FSTL4: variants seen among roughly 807,000 people sequenced by gnomAD.
FSTL4 encodes follistatin-related protein 4.
FSTL4 carries 28 observed loss-of-function variants against 78.2 expected under a neutral mutation model. The observed-to-expected ratio is 0.36, with a 90% CI of 0.27 to 0.49. The LOEUF (loss-of-function observed/expected upper bound fraction) is 0.49. Among genes scored for constraint, FSTL4 ranks in the 20% least tolerant of loss-of-function variants. The probability of loss-of-function intolerance (pLI) is 0.98; values close to 1 mark genes in which losing one functional copy is unlikely to be tolerated. For missense variants in FSTL4, 922 were observed against 1,084.9 expected (o/e 0.85, Z 2.11); for synonymous variants, 422 against 440.5 (o/e 0.96, Z 0.53).
intron 3 of FSTL4, among the ~76,000 whole-genome samples, chr5:133,507,038 T>C (rs1423815028): frequency 6.6e-6 from 1 of 152,002 alleles, no homozygotes; most frequent in Non-Finnish European, 1.5e-5. Context: ...CAAAACCCCA[T>C]CTCTACTAAA....
At chr5:133,763,504 C>G in the FSTL4 span, among the ~76,000 whole-genome samples, 8 of 152,210 alleles carry the variant, frequency 5.3e-5, no homozygotes, top group African/African-American at 1.9e-4. Flanking sequence ...CACAGCCCCT[C>G]TGAGCCTCCT....
chr5:133,239,348 G>T, intron 7 of FSTL4, among the ~76,000 whole-genome samples: 1 of 152,286 alleles, frequency 6.6e-6, no homozygotes, highest in East Asian at 1.9e-4. Flanking sequence ...GAGTGCGGGC[G>T]CACGGCACGG....
intron 6 of FSTL4, among the ~76,000 whole-genome samples, chr5:133,260,088 G>A (rs1029400563): frequency 6.6e-6 from 1 of 152,218 alleles, no homozygotes; most frequent in African/African-American, 2.4e-5. Context: ...CTCCTCCAAG[G>A]AAGCAGAATA....
chr5:133,618,410 T>C, the FSTL4 span, among the ~76,000 whole-genome samples: 2 of 152,170 alleles, frequency 1.3e-5, no homozygotes, highest in African/African-American at 4.8e-5. Flanking sequence ...GGATCTATAG[T>C]ATGTTTTTAA....
At chr5:133,276,469 T>G (rs1490239522) in intron 6 of FSTL4, among the ~76,000 whole-genome samples, 1 of 152,178 alleles carries the variant, frequency 6.6e-6, no homozygotes, top group East Asian at 1.9e-4. Context: ...TCTTGAAAAG[T>G]GTCCCTGACC....
chr5:133,621,068 T>C, the FSTL4 span, among the ~76,000 whole-genome samples: 1 of 152,168 alleles, frequency 6.6e-6, no homozygotes, highest in Admixed American at 6.5e-5. Flanking sequence ...GTCGTATATA[T>C]ACACGACAGA....
At chr5:133,594,431 G>A (rs1760699911) in intron 2 of FSTL4, among the ~76,000 whole-genome samples, 1 of 152,224 alleles carries the variant, frequency 6.6e-6, no homozygotes, top group African/African-American at 2.4e-5. Flanking sequence ...GACCTCAGGT[G>A]ATCTGACCGC....
At chr5:133,838,334 C>T in the FSTL4 span, among the ~76,000 whole-genome samples, 1 of 152,224 alleles carries the variant, frequency 6.6e-6, no homozygotes, top group Non-Finnish European at 1.5e-5. Flanking sequence ...TCCCCTAAAA[C>T]TTAGTGGCTT....
intron 3 of FSTL4, among the ~76,000 whole-genome samples, chr5:133,563,197 C>G (rs1759957261): frequency 6.6e-6 from 1 of 152,166 alleles, no homozygotes; most frequent in Non-Finnish European, 1.5e-5. Context: ...AGAGGACACC[C>G]TATCAGTCTC....
At position 133,225,451 on chromosome 5, in the gene FSTL4, G is replaced by A. The variant is rs1044069556; in HGVS notation, c.1178-167C>T. On this transcript the variant is annotated intron_variant, in intron 9 of 15. Transcript: ENST00000265342. This position sits in a 1 kb window ranked among gnomAD's most constrained non-coding sequence, Gnocchi z 4.6. ...ATCTGAAATGCACTGAGGGTGAGCT[G>A]GACCTGAGTGACAGCTTCTCATCAT... is the stretch of plus-strand genomic sequence containing the variant. Among the ~76,000 whole-genome samples the A allele has an allele frequency of 1.3e-5, 2 of 152,134 alleles. No individual in the cohort carries two copies. Among genetic ancestry groups the A allele is most frequent in the Non-Finnish European group, 2.9e-5 (2 of 68,016 alleles).
chr5:133,542,867 A>T (rs2562372), intron 3 of FSTL4, among the ~76,000 whole-genome samples: 64,275 of 149,374 alleles, frequency 0.43, 14,179 homozygotes, highest in African/African-American at 0.55. Context: ...GTTTTGTTAG[A>T]TTTATTGGTT....
intron 3 of FSTL4, among the ~76,000 whole-genome samples, chr5:133,557,020 G>A (rs777459656): frequency 1.3e-5 from 2 of 152,222 alleles, no homozygotes; most frequent in Non-Finnish European, 2.9e-5. Context: ...CCCCTCTCAA[G>A]TTTCGGCTGG....
intron 3 of FSTL4, among the ~76,000 whole-genome samples, chr5:133,410,540 G>A (rs1349084448): frequency 6.6e-6 from 1 of 152,162 alleles, no homozygotes; most frequent in East Asian, 1.9e-4. Context: ...TCTGTGAGCC[G>A]CCGTGATGCT....
intron 3 of FSTL4, among the ~76,000 whole-genome samples, chr5:133,466,061 G>C (rs1217953185): frequency 6.6e-6 from 1 of 152,202 alleles, no homozygotes; most frequent in East Asian, 1.9e-4. Context: ...GAAGGAAACG[G>C]GACATGGCCT....
intron 4 of FSTL4, among the ~76,000 whole-genome samples, chr5:133,393,824 A>T (rs1755923321): frequency 6.6e-6 from 1 of 152,268 alleles, no homozygotes; most frequent in African/African-American, 2.4e-5. Context: ...TGATTGAGCC[A>T]GCTTTCCCTG....
chr5:133,335,737 C>T (rs151049262), intron 4 of FSTL4, among the ~76,000 whole-genome samples: 91 of 151,980 alleles, frequency 6.0e-4, no homozygotes, highest in African/African-American at 2.0e-3. Flanking sequence ...CATTAACTGC[C>T]CTATAAAGCT....
chr5:133,200,893 T>C (rs1203665588), intron 15 of FSTL4, among the ~76,000 whole-genome samples: 1 of 152,176 alleles, frequency 6.6e-6, no homozygotes, highest in Non-Finnish European at 1.5e-5. Flanking sequence ...ACTCTGCTCT[T>C]ATAAGAAACT....
intron 3 of FSTL4, among the ~76,000 whole-genome samples, chr5:133,470,070 G>T (rs752717338): frequency 6.6e-6 from 1 of 152,150 alleles, no homozygotes; most frequent in Non-Finnish European, 1.5e-5. Context: ...GGCTGCTCAC[G>T]TGACACCCAG....
At chr5:133,664,348 G>A in the FSTL4 span, among the ~76,000 whole-genome samples, 2 of 151,864 alleles carry the variant, frequency 1.3e-5, no homozygotes, top group Non-Finnish European at 2.9e-5. Flanking sequence ...AATTTCCTAG[G>A]CACATTAACT....
Sources: allele counts gnomAD v4.1 joint callset (sites outside exome capture counted in the v4.1 genomes callset), GRCh38; gene constraint gnomAD v4.1.1; non-coding constraint Gnocchi (gnomAD v3.1); transcripts MANE v1.5; gene names NCBI Gene and HGNC (gene_info 2026-07-23, HGNC 2026-07-21).